The following SMPD3 variants were observed in gnomAD, a reference collection of about 807,000 sequenced individuals.
SMPD3 encodes nSMase-2.
A neutral mutation model predicts 55.7 loss-of-function variants in SMPD3; 21 were observed. That is an observed-to-expected ratio of 0.38 (90% CI 0.27 to 0.54). The LOEUF is 0.54. SMPD3 is among the 20% of genes least tolerant of loss of function. SMPD3 has a pLI of 0.80. For missense variants in SMPD3, 842 were observed against 899.6 expected (o/e 0.94, Z 0.82); for synonymous variants, 457 against 404.3 (o/e 1.13, Z -1.56).
Position 68,371,628 on chromosome 16 carries a change from C to G in SMPD3, c.554G>C (p.Ser185Thr), listed in dbSNP as rs1326138904. 1.2e-5 allele frequency: 19 copies of G among 1,564,526 alleles called. No homozygotes were observed. The highest frequency in any genetic ancestry group is 1.4e-5 in the Non-Finnish European group (16 of 1,156,712). Residue 185 changes from serine to threonine, a missense_variant, in exon 3 of 9, where the codon AGC (serine) becomes ACC (threonine). By Grantham distance (58) the Ser-to-Thr change is moderately conservative. This residue lies in a region of SMPD3 where 193 missense variants were observed against 256.0 expected (regional missense o/e 0.75). Transcript: ENST00000219334. ...TNTSISAASF[S>T]SLVSPQGGDG... ...GCCGCCCTGTGGTGACACCAGGCTG[C>G]TGAAGCTAGCGGCGCTGATGGAGGT...
chr16:68,403,374 A>G (rs563180643), intron 1 of SMPD3, among the ~76,000 whole-genome samples: 28 of 152,324 alleles, frequency 1.8e-4, no homozygotes, highest in African/African-American at 5.5e-4. Flanking sequence ...AGTAGATGCC[A>G]ATACAAATTT....
In SMPD3 at chr16:68,404,721, G is replaced by A. The variant is rs1369288117; in HGVS notation, c.-268-18062C>T. Among the ~76,000 whole-genome samples, 1 of 152,192 alleles carries A rather than the reference G, an allele frequency of 6.6e-6. No homozygotes were observed. Among genetic ancestry groups the A allele is most frequent in the African/African-American group, 2.4e-5 (1 of 41,436 alleles). On this transcript the variant is annotated intron_variant, in intron 1 of 8. Transcript: ENST00000219334. This position sits in a 1 kb window ranked among gnomAD's most constrained non-coding sequence, Gnocchi z 4.0. The stretch of plus-strand genomic sequence containing the variant: ...TGTTATCTTTGTATAGATGCTGGGG[G>A]CATCAGGACAGCCTGAAACACTGTT...
intron 1 of SMPD3, among the ~76,000 whole-genome samples, chr16:68,419,981 GCTT>G (rs779878217): frequency 1.1e-5 from 1 of 88,150 alleles, no homozygotes; most frequent in Admixed American, 1.5e-4. Context: ...AATAGCTATT[GCTT>G]TTTTTTTTTT....
chr16:68,414,967 T>C (rs979708261), intron 1 of SMPD3, among the ~76,000 whole-genome samples: 8 of 152,024 alleles, frequency 5.3e-5, no homozygotes, highest in African/African-American at 1.9e-4. Context: ...GACCTATGCA[T>C]TGGGTGGATG....
At chr16:68,410,502 TG>T (rs1375929514) in intron 1 of SMPD3, among the ~76,000 whole-genome samples, 1 of 152,146 alleles carries the variant, frequency 6.6e-6, no homozygotes, top group Non-Finnish European at 1.5e-5. Flanking sequence ...TCTATTTCTA[TG>T]TGCTAAATCT....
At chr16:68,363,926 G>T in intron 5 of SMPD3, 60 bp from the exon 6 acceptor site, 23 of 1,437,682 alleles carry the variant, frequency 1.6e-5, no homozygotes, top group Non-Finnish European at 2.1e-5. Flanking sequence ...CACACGGCCT[G>T]TGCCCCTGCT....
intron 2 of SMPD3, among the ~76,000 whole-genome samples, chr16:68,378,229 T>C (rs997060571): frequency 6.6e-6 from 1 of 152,322 alleles, no homozygotes; most frequent in East Asian, 1.9e-4. Context: ...CATCCGCCTG[T>C]GGCACTGAGC....
intron 3 of SMPD3, among the ~76,000 whole-genome samples, chr16:68,365,789 C>T (rs1301370049): frequency 1.3e-5 from 2 of 152,160 alleles, no homozygotes; most frequent in African/African-American, 4.8e-5. Context: ...CTGCTTACCT[C>T]CTTTACCCAA....
intron 1 of SMPD3, among the ~76,000 whole-genome samples, chr16:68,420,198 C>T (rs2090380177): frequency 6.6e-6 from 1 of 152,154 alleles, no homozygotes; most frequent in Admixed American, 6.5e-5. Context: ...CTGCCTCAGC[C>T]TCCCAAAGTG....
At chr16:68,440,168 T>C (rs938582269) in intron 1 of SMPD3, among the ~76,000 whole-genome samples, 2 of 152,224 alleles carry the variant, frequency 1.3e-5, no homozygotes, top group Non-Finnish European at 2.9e-5. Flanking sequence ...GAAAAGGCAC[T>C]GAAGATTCTG....
chr16:68,435,029 G>T (rs904094712), intron 1 of SMPD3, among the ~76,000 whole-genome samples: 2 of 152,196 alleles, frequency 1.3e-5, no homozygotes, highest in African/African-American at 2.4e-5. Context: ...GGGTGTGTGT[G>T]TTTGGCAATG....
At chr16:68,410,243 T>C (rs1185611863) in intron 1 of SMPD3, among the ~76,000 whole-genome samples, 8 of 152,056 alleles carry the variant, frequency 5.3e-5, no homozygotes, top group Non-Finnish European at 1.0e-4. Flanking sequence ...ACTCCACAGG[T>C]GTCAGGAAGC....
chr16:68,418,695 C>T (rs1304784538), intron 1 of SMPD3, among the ~76,000 whole-genome samples: 2 of 152,218 alleles, frequency 1.3e-5, no homozygotes, highest in Non-Finnish European at 2.9e-5. Context: ...GTTTGGATCC[C>T]ATATGAGAAC....
intron 3 of SMPD3, chr16:68,368,525 G>C (rs1200912445): frequency 6.5e-6 from 1 of 153,034 alleles, no homozygotes; most frequent in Non-Finnish European, 1.5e-5. Flanking sequence ...TCTGGAAAGT[G>C]AGCTAGGGGC....
chr16:68,370,713 G>T, intron 3 of SMPD3, 146 bp downstream of exon 3: 4 of 1,062,128 alleles, frequency 3.8e-6, no homozygotes, highest in Non-Finnish European at 5.4e-6. Context: ...CTGCTGTTTG[G>T]CTCCAGGAAA....
chr16:68,415,040 T>C (rs912250427), intron 1 of SMPD3, among the ~76,000 whole-genome samples: 1 of 152,066 alleles, frequency 6.6e-6, no homozygotes, highest in African/African-American at 2.4e-5. Context: ...GAGTCAGAGA[T>C]GCGCAGGTGA....
intron 1 of SMPD3, among the ~76,000 whole-genome samples, chr16:68,402,755 G>T (rs2090221956): frequency 6.6e-6 from 1 of 152,340 alleles, no homozygotes; most frequent in South Asian, 2.1e-4. Flanking sequence ...AAGGTTCAAG[G>T]TGACGGCAGG....
Position 68,448,491 on chromosome 16 carries a change from C to T in SMPD3, c.-407G>A, listed in dbSNP as rs1341182532. 6.6e-6 allele frequency: 1 copy of T among 152,246 alleles called. No individual in the cohort carries two copies. The highest frequency in any genetic ancestry group is 1.5e-5 in the Non-Finnish European group (1 of 68,078). The allele number at this position is 152,246 out of a possible 1,614,324, so 9.4% of individuals were successfully genotyped here. On this transcript the variant is annotated 5_prime_UTR_variant, in exon 1 of 9. Transcript: ENST00000219334. ...CTCTCGCGGCTCTCGGGTCCGGAGC[C>T]TCCCTCAGACTCAGCACCTGGAGCG...
chr16:68,417,452 C>G (rs2090348580), intron 1 of SMPD3, among the ~76,000 whole-genome samples: 1 of 152,218 alleles, frequency 6.6e-6, no homozygotes, highest in Non-Finnish European at 1.5e-5. Flanking sequence ...GACAAAGCCC[C>G]CTCAATTGTT....
Sources: gnomAD v4.1 joint callset for allele counts (sites outside exome capture counted in the v4.1 genomes callset) on GRCh38, gnomAD v4.1.1 for gene constraint, gnomAD v4.1.1 regional missense constraint, Gnocchi (gnomAD v3.1) non-coding constraint, MANE v1.5 for transcripts, NCBI Gene and HGNC (gene_info 2026-07-23, HGNC 2026-07-21) for gene names.